The following RFTN2 variants were observed in gnomAD, a reference collection of about 807,000 sequenced individuals.
RFTN2 encodes raftlin family member 2, also known as raftlin-2.
A neutral mutation model predicts 52.7 loss-of-function variants in RFTN2; 34 were observed. That is an observed-to-expected ratio of 0.64 (90% CI 0.49 to 0.86). The LOEUF is 0.86. Among genes scored for constraint, RFTN2 ranks in the 40% least tolerant of loss-of-function variants. The pLI is 0.00. For missense variants in RFTN2, 536 were observed against 600.1 expected (o/e 0.89, Z 1.12); for synonymous variants, 203 against 217.7 (o/e 0.93, Z 0.59).
intron 8 of RFTN2, among the ~76,000 whole-genome samples, chr2:197,586,586 G>C (rs1403101885): frequency 6.6e-6 from 1 of 152,138 alleles, no homozygotes; most frequent in African/African-American, 2.4e-5. Context: ...TTCCCCACAT[G>C]ACACTGACAC....
intron 7 of RFTN2, among the ~76,000 whole-genome samples, chr2:197,605,135 A>G (rs2087938468): frequency 6.6e-6 from 1 of 152,212 alleles, no homozygotes; most frequent in Non-Finnish European, 1.5e-5. Flanking sequence ...GGTGACATGT[A>G]GAAGAATAGT....
chr2:197,674,975 T>G, intron 1 of RFTN2, among the ~76,000 whole-genome samples: 1 of 152,148 alleles, frequency 6.6e-6, no homozygotes, highest in Non-Finnish European at 1.5e-5. Context: ...TTTTCAAATC[T>G]TTTTCAAAAT....
intron 6 of RFTN2, among the ~76,000 whole-genome samples, chr2:197,617,019 C>T (rs2088156516): frequency 6.6e-6 from 1 of 152,190 alleles, no homozygotes; most frequent in South Asian, 2.1e-4. Context: ...TGCACAACAT[C>T]AGCAGCAATG....
intron 7 of RFTN2, among the ~76,000 whole-genome samples, chr2:197,605,129 A>G (rs556085159): frequency 6.6e-6 from 1 of 152,310 alleles, no homozygotes; most frequent in Admixed American, 6.5e-5. Flanking sequence ...TTTAAGGGTG[A>G]CATGTAGAAG....
chr2:197,589,203 C>CA (rs1227234428), intron 8 of RFTN2, among the ~76,000 whole-genome samples: 1 of 108,222 alleles, frequency 9.2e-6, no homozygotes, highest in Non-Finnish European at 1.7e-5. Flanking sequence ...GCCTGGGTGA[C>CA]AGAGTGACTC....
rs964103761 is a variant in RFTN2, at chr2:197,675,345, A to T, written c.114T>A (p.Tyr38Ter). 2.5e-6 allele frequency: 4 copies of T among 1,603,952 alleles called. No individual in the cohort carries two copies. The highest frequency in any genetic ancestry group is 3.4e-6 in the Non-Finnish European group (4 of 1,175,430). The change falls in exon 1 of 9, where the codon TAT (tyrosine) becomes TAA (stop). Residue 38 changes from tyrosine (Y) to a stop codon, truncating the protein, a stop_gained. Coordinates refer to ENST00000295049, the MANE Select transcript of RFTN2 (RefSeq NM_144629.3). LOFTEE classifies it high-confidence loss of function. ...VETKTEFAYEYVLLDFTLQAS... is the reference protein window; with the variant it reads ...VETKTEFAYE Reference sequence around the variant, plus strand: ...CTTGTAGAGTAAAATCCAGCAATACATATTCGTAAGCAAATTCTGTCTTTG... The same window carrying T: ...CTTGTAGAGTAAAATCCAGCAATACTTATTCGTAAGCAAATTCTGTCTTTG...
intron 7 of RFTN2, among the ~76,000 whole-genome samples, chr2:197,614,451 T>C (rs1313466888): frequency 6.6e-6 from 1 of 152,156 alleles, no homozygotes; most frequent in East Asian, 1.9e-4. Flanking sequence ...CTGTCCTCAA[T>C]TCCCTGTGCA....
intron 1 of RFTN2, among the ~76,000 whole-genome samples, chr2:197,656,783 A>G (rs1427605839): frequency 6.6e-6 from 1 of 152,174 alleles, no homozygotes; most frequent in Non-Finnish European, 1.5e-5. Flanking sequence ...TGAGACTTAG[A>G]TCAAGAGTCC....
chr2:197,653,139 G>C (rs968644758), intron 1 of RFTN2, among the ~76,000 whole-genome samples: 3 of 152,192 alleles, frequency 2.0e-5, no homozygotes, highest in African/African-American at 4.8e-5. Flanking sequence ...AGCTCTGTGA[G>C]GGCAGGGATA....
intron 8 of RFTN2, among the ~76,000 whole-genome samples, chr2:197,583,461 T>C (rs571217382): frequency 6.6e-6 from 1 of 152,296 alleles, no homozygotes; most frequent in South Asian, 2.1e-4. Context: ...CCGGCCATTC[T>C]AGTCAAATCA....
chr2:197,633,601 C>G, intron 4 of RFTN2, 117 bp downstream of exon 4: 3 of 805,006 alleles, frequency 3.7e-6, no homozygotes, highest in Non-Finnish European at 5.8e-6. Context: ...TTTATTAGTT[C>G]ATTTAGTCAT....
At chr2:197,647,212 A>ATTTCT (rs1240764554) in intron 1 of RFTN2, among the ~76,000 whole-genome samples, 2 of 152,058 alleles carry the variant, frequency 1.3e-5, no homozygotes, top group Non-Finnish European at 2.9e-5. Flanking sequence ...GAGATGCATA[A>ATTTCT]TTTCTTTTCT....
chr2:197,640,410 G>A (rs1243325662), intron 3 of RFTN2, among the ~76,000 whole-genome samples: 9 of 152,074 alleles, frequency 5.9e-5, no homozygotes, highest in Admixed American at 1.3e-4. Context: ...AGGACCCTCC[G>A]AGCCAGGTGC....
At chr2:197,666,080 GTTTC>G (rs2089053286) in intron 1 of RFTN2, among the ~76,000 whole-genome samples, 1 of 150,998 alleles carries the variant, frequency 6.6e-6, no homozygotes, top group Non-Finnish European at 1.5e-5. Context: ...GAAAGACTTT[GTTTC>G]TTCTTCTTTT....
At chr2:197,617,417 T>C (rs897120283) in intron 6 of RFTN2, among the ~76,000 whole-genome samples, 4 of 152,192 alleles carry the variant, frequency 2.6e-5, no homozygotes, top group African/African-American at 9.7e-5. Flanking sequence ...TAAACAAATA[T>C]GTGTTTAAGG....
At chr2:197,646,415 ATT>A in intron 2 of RFTN2, 66 bp downstream of exon 2, 1 of 1,291,330 alleles carries the variant, frequency 7.7e-7, no homozygotes, top group Non-Finnish European at 1.1e-6. Flanking sequence ...CTTGATTCAA[ATT>A]TTTTTTTCTT....
At chr2:197,621,467 C>A (rs188475684) in intron 5 of RFTN2, among the ~76,000 whole-genome samples, 1 of 147,034 alleles carries the variant, frequency 6.8e-6, no homozygotes, top group East Asian at 2.0e-4. Flanking sequence ...CTATTAGTGC[C>A]ATTTTTCCAA....
intron 5 of RFTN2, among the ~76,000 whole-genome samples, chr2:197,629,972 C>A (rs2088438788): frequency 6.6e-6 from 1 of 152,168 alleles, no homozygotes; most frequent in Non-Finnish European, 1.5e-5. Context: ...GATCTGCCTG[C>A]CTTGGCCTCC....
intron 3 of RFTN2, among the ~76,000 whole-genome samples, chr2:197,641,268 G>A (rs529185190): frequency 1.3e-5 from 2 of 152,326 alleles, no homozygotes; most frequent in Admixed American, 1.3e-4. Flanking sequence ...TTCTGAGAGC[G>A]GGGAGAGAGT....
Sources: gnomAD v4.1 joint callset for allele counts (sites outside exome capture counted in the v4.1 genomes callset) on GRCh38, gnomAD v4.1.1 for gene constraint, MANE v1.5 for transcripts, NCBI Gene and HGNC (gene_info 2026-07-23, HGNC 2026-07-21) for gene names.